SLC17A1: variants seen among roughly 807,000 people sequenced by gnomAD.
SLC17A1 encodes the protein sodium-dependent phosphate transport protein 1.
In SLC17A1, 51 loss-of-function variants were observed where a neutral mutation model predicts 53.5. The ratio of observed to expected loss-of-function variants is 0.95; its 90% CI spans 0.76 to 1.20. The LOEUF (loss-of-function observed/expected upper bound fraction) is 1.20. Ranked by LOEUF, SLC17A1 falls within the 50% of genes most tolerant of loss-of-function variation. SLC17A1 has a pLI of 0.00. For missense variants in SLC17A1, 538 were observed against 568.2 expected, an observed-to-expected ratio of 0.95 and a Z score of 0.54; for synonymous variants, 179 against 198.8, an observed-to-expected ratio of 0.90 and a Z score of 0.84.
the SLC17A1 span, among the ~76,000 whole-genome samples, chr6:25,752,939 G>A: frequency 6.7e-6 from 1 of 150,192 alleles, no homozygotes; most frequent in African/African-American, 2.4e-5. Context: ...GCAACAGTCT[G>A]AGACTCCGTC....
At chr6:25,727,642 C>A in the SLC17A1 span, among the ~76,000 whole-genome samples, 1 of 152,008 alleles carries the variant, frequency 6.6e-6, no homozygotes, top group African/African-American at 2.4e-5. Flanking sequence ...CCACCTCGGT[C>A]TCCCAAAGTG....
At chr6:25,816,482 T>A (rs1764361329) in intron 6 of SLC17A1, among the ~76,000 whole-genome samples, 1 of 152,258 alleles carries the variant, frequency 6.6e-6, no homozygotes. Context: ...CTGAGCCTAC[T>A]GTCTTGGCAC....
intron 10 of SLC17A1, among the ~76,000 whole-genome samples, chr6:25,806,245 G>A (rs957737543): frequency 2.0e-5 from 3 of 151,998 alleles, no homozygotes; most frequent in African/African-American, 7.2e-5. Flanking sequence ...GTCAATAAAT[G>A]TGATATATAA....
chr6:25,778,842 A>G (rs117679921), downstream of SLC17A1, among the ~76,000 whole-genome samples: 395 of 152,326 alleles, frequency 2.6e-3, 11 homozygotes, highest in East Asian at 1.9e-3. Flanking sequence ...ACAAATAGGT[A>G]TCTGGAGGAG....
chr6:25,824,603 A>C (rs1764679724), intron 3 of SLC17A1, among the ~76,000 whole-genome samples: 1 of 151,832 alleles, frequency 6.6e-6, no homozygotes, highest in Non-Finnish European at 1.5e-5. Context: ...ATGATACATG[A>C]AATAGTATAG....
chr6:25,799,779 C>G lies in SLC17A1; in HGVS notation c.1270-860G>C, dbSNP rs147033362. Among the ~76,000 whole-genome samples the G allele has an allele frequency of 4.1e-4, 63 of 152,316 alleles. 1 individual carries two copies. Among genetic ancestry groups the G allele is most frequent in the Middle Eastern group, 3.4e-3 (1 of 294 alleles). On this transcript the variant is annotated intron_variant, in intron 11 of 12. Transcript: ENST00000244527. Reference sequence around the variant, plus strand: ...AGCTCCACTAACAACTTTTGGAAGTCAGCTCTGCACACCTGAGTGAACTCA... The same window carrying G: ...AGCTCCACTAACAACTTTTGGAAGTGAGCTCTGCACACCTGAGTGAACTCA...
intron 1 of SLC17A1, among the ~76,000 whole-genome samples, chr6:25,831,623 C>T (rs1054548164): frequency 2.6e-5 from 4 of 151,940 alleles, no homozygotes; most frequent in East Asian, 3.9e-4. Context: ...ATCCTCAAAA[C>T]GGAAGTACAA....
At chr6:25,737,142 A>G in the SLC17A1 span, among the ~76,000 whole-genome samples, 10 of 152,354 alleles carry the variant, frequency 6.6e-5, no homozygotes, top group African/African-American at 2.2e-4. Context: ...TAGTTGAAAC[A>G]TTATTCCATT....
chr6:25,804,165 C>A (rs969609665), intron 10 of SLC17A1, among the ~76,000 whole-genome samples: 1 of 152,008 alleles, frequency 6.6e-6, no homozygotes. Context: ...TGGCTATGAA[C>A]AACAATGTAG....
chr6:25,779,228 T>C (rs1561817103), downstream of SLC17A1: 5 of 1,608,802 alleles, frequency 3.1e-6, no homozygotes, highest in Non-Finnish European at 4.2e-6. Context: ...GCTTAGTTCA[T>C]CATTGTTTTC....
intron 3 of SLC17A1, among the ~76,000 whole-genome samples, chr6:25,823,031 A>T (rs760499031): frequency 6.6e-6 from 1 of 151,902 alleles, no homozygotes; most frequent in Non-Finnish European, 1.5e-5. Flanking sequence ...TAGAAGTTTT[A>T]TATTAAGGGA....
Position 25,798,802 on chromosome 6 carries a change from G to A in SLC17A1, c.1387C>T (p.Gln463Ter), listed in dbSNP as rs1763664383. The A allele has an allele frequency of 6.2e-7, 1 of 1,608,522 alleles. No individual in the cohort carries two copies. The highest frequency in any genetic ancestry group is 1.1e-5 in the South Asian group (1 of 89,894). Residue 463 changes from glutamine to a stop codon, truncating the protein, a stop_gained, in exon 12 of 13, where the codon CAA becomes TAA. Transcript: ENST00000244527. LOFTEE classifies it high-confidence loss of function. ...TCTCACCTTCAGAGACGTGTGTGTT[G>A]TTTTTCTTTAGCCCAGTCCTGAATT... is the stretch of plus-strand genomic sequence containing the variant. ...AEIQDWAKEK[Q>*]HTRL
At chr6:25,799,650 CA>C (rs1198749174) in intron 11 of SLC17A1, among the ~76,000 whole-genome samples, 4 of 152,160 alleles carry the variant, frequency 2.6e-5, no homozygotes, top group Non-Finnish European at 4.4e-5. Context: ...AAAGCTGAGG[CA>C]GGGGCAGATG....
At chr6:25,767,378 A>G in the SLC17A1 span, among the ~76,000 whole-genome samples, 1 of 152,138 alleles carries the variant, frequency 6.6e-6, no homozygotes, top group Non-Finnish European at 1.5e-5. Flanking sequence ...TTATAATTAT[A>G]ATAAACTTAC....
At chr6:25,806,783 C>G (rs949520159) in intron 10 of SLC17A1, among the ~76,000 whole-genome samples, 2 of 151,960 alleles carry the variant, frequency 1.3e-5, no homozygotes, top group African/African-American at 4.8e-5. Flanking sequence ...TATGCATTGA[C>G]AAAGAACTAA....
chr6:25,725,699 T>A, the SLC17A1 span, among the ~76,000 whole-genome samples: 1 of 152,096 alleles, frequency 6.6e-6, no homozygotes, highest in East Asian at 1.9e-4. Flanking sequence ...CCCGGACTCA[T>A]GAACAACCCT....
intron 12 of SLC17A1, among the ~76,000 whole-genome samples, chr6:25,791,071 T>C (rs951420558): frequency 1.3e-5 from 2 of 152,236 alleles, no homozygotes; most frequent in African/African-American, 4.8e-5. Flanking sequence ...AGCAAACTAA[T>C]ACTTGACTGA....
At chr6:25,813,273 G>A (rs1207164983) in intron 6 of SLC17A1, 60 bp from the exon 7 acceptor site, 1 of 1,369,084 alleles carries the variant, frequency 7.3e-7, no homozygotes, top group Non-Finnish European at 1.0e-6. Flanking sequence ...CTCTTTCCCA[G>A]AATGGCATTT....
the SLC17A1 span, among the ~76,000 whole-genome samples, chr6:25,743,769 T>C: frequency 0.27 from 41,307 of 152,062 alleles, 6,823 homozygotes; most frequent in East Asian, 0.7. Context: ...AATTAGGTAA[T>C]GTTTCAAGGA....
Sources: gnomAD v4.1 joint callset for allele counts (sites outside exome capture counted in the v4.1 genomes callset) on GRCh38, gnomAD v4.1.1 for gene constraint, MANE v1.5 for transcripts, NCBI Gene and HGNC (gene_info 2026-07-23, HGNC 2026-07-21) for gene names.